The following PTPRD variants were observed in gnomAD, a reference collection of about 807,000 sequenced individuals.
The protein encoded by PTPRD is receptor-type tyrosine-protein phosphatase delta.
Under a neutral mutation model 214.5 loss-of-function variants are expected in PTPRD, and 34 were observed. The observed-to-expected ratio is 0.16, with a 90% CI of 0.12 to 0.21. PTPRD has a LOEUF of 0.21. Among genes scored for constraint, PTPRD ranks in the 10% least tolerant of loss-of-function variants. The pLI, the probability that PTPRD is intolerant of heterozygous loss-of-function variation, is 1.00. For missense variants in PTPRD, 2,545 were observed against 2,398.7 expected, an observed-to-expected ratio of 1.06 and a Z score of -1.27; for synonymous variants, 1,128 against 845.7, an observed-to-expected ratio of 1.33 and a Z score of -5.79.
At chr9:8,972,482 G>C (rs1278832031) in intron 11 of PTPRD, among the ~76,000 whole-genome samples, 4 of 151,564 alleles carry the variant, frequency 2.6e-5, no homozygotes, top group Admixed American at 6.6e-5. Context: ...GGAAGAATTA[G>C]TGTAGAAGAA....
chr9:9,465,126 C>G (rs2094026756), intron 8 of PTPRD, among the ~76,000 whole-genome samples: 1 of 152,176 alleles, frequency 6.6e-6, no homozygotes, highest in Non-Finnish European at 1.5e-5. Flanking sequence ...TGGTTTTCCT[C>G]ATGATCTGTA....
In PTPRD at chr9:10,117,226, G is replaced by T. The variant is rs146394776; in HGVS notation, c.-544-83436C>A. ...GCACTTTCAACACGGCAAGAAAACA[G>T]AGTAAATTGCCTACATAACAGTAAA... is the stretch of plus-strand genomic sequence containing the variant. On this transcript the variant is annotated intron_variant, in intron 3 of 45. Transcript: ENST00000381196. 2.0e-5 allele frequency among the ~76,000 whole-genome samples: 3 copies of T among 152,168 alleles called. No individual in the cohort carries two copies. In the East Asian group the frequency reaches 5.8e-4, roughly 29 times the overall value.
chr9:10,605,268 G>T (rs1009335857), intron 2 of PTPRD, among the ~76,000 whole-genome samples: 1 of 151,654 alleles, frequency 6.6e-6, no homozygotes, highest in African/African-American at 2.4e-5. Flanking sequence ...ATTATGCTTT[G>T]GTTATAGCTG....
chr9:9,715,423 A>G (rs1026456739), intron 7 of PTPRD, among the ~76,000 whole-genome samples: 1 of 152,176 alleles, frequency 6.6e-6, no homozygotes, highest in African/African-American at 2.4e-5. Flanking sequence ...ATCATTTCAT[A>G]ACATTAGTGA....
chr9:8,736,263 C>G (rs1016663048), intron 11 of PTPRD, among the ~76,000 whole-genome samples: 1 of 151,974 alleles, frequency 6.6e-6, no homozygotes, highest in African/African-American at 2.4e-5. Flanking sequence ...CCTATAGAAC[C>G]CTCAATAAAT....
At chr9:9,276,220 A>G (rs193027521) in intron 9 of PTPRD, among the ~76,000 whole-genome samples, 47 of 151,424 alleles carry the variant, frequency 3.1e-4, no homozygotes, top group Admixed American at 7.9e-4. Context: ...CACATCAGTC[A>G]TTTTCAGATT....
chr9:9,927,959 G>A (rs1332607038), intron 5 of PTPRD, among the ~76,000 whole-genome samples: 1 of 149,968 alleles, frequency 6.7e-6, no homozygotes, highest in African/African-American at 2.4e-5. Flanking sequence ...AGCCTAAGTT[G>A]TTTGGGTACA....
chr9:9,369,825 A>G (rs2058947289), intron 9 of PTPRD, among the ~76,000 whole-genome samples: 1 of 152,170 alleles, frequency 6.6e-6, no homozygotes, highest in Non-Finnish European at 1.5e-5. Context: ...AGCTTTCTAC[A>G]TATGGCTAGC....
intron 14 of PTPRD, among the ~76,000 whole-genome samples, chr9:8,529,001 C>T (rs1304945324): frequency 6.6e-6 from 1 of 151,804 alleles, no homozygotes; most frequent in Non-Finnish European, 1.5e-5. Flanking sequence ...CAGACGGGGC[C>T]GACTATGATG....
At chr9:8,892,621 G>GTA (rs545404330) in intron 11 of PTPRD, among the ~76,000 whole-genome samples, 1 of 148,096 alleles carries the variant, frequency 6.8e-6, no homozygotes, top group Non-Finnish European at 1.5e-5. Flanking sequence ...ATATATATGT[G>GTA]TATATATATG....
chr9:9,956,106 G>C (rs1418330825), intron 4 of PTPRD, among the ~76,000 whole-genome samples: 2 of 152,028 alleles, frequency 1.3e-5, no homozygotes. Flanking sequence ...TCATATTTTA[G>C]AAATGTCCAA....
Position 9,185,203 on chromosome 9 carries a change from C to G in PTPRD, c.-202-1840G>C, listed in dbSNP as rs1044909052. Among the ~76,000 whole-genome samples, 5 of 152,132 alleles carry G rather than the reference C, an allele frequency of 3.3e-5. No homozygotes were observed. The East Asian group carries it at 7.7e-4, about 24-fold the overall frequency. ...TTTTCTTTCCTTTTCAAAACAATAA[C>G]CAATCACAGAATCCAAGACCTTCTG... is the stretch of plus-strand genomic sequence containing the variant. On this transcript the variant is annotated intron_variant, in intron 9 of 45. Coordinates refer to ENST00000381196, the MANE Select transcript of PTPRD (RefSeq NM_002839.4).
At chr9:9,749,735 C>G (rs756031852) in intron 6 of PTPRD, among the ~76,000 whole-genome samples, 15 of 152,084 alleles carry the variant, frequency 9.9e-5, no homozygotes, top group Non-Finnish European at 1.9e-4. Context: ...AAGAGTCTGA[C>G]AGTTCATTTG....
chr9:10,125,624 G>A (rs1363091067), intron 3 of PTPRD, among the ~76,000 whole-genome samples: 1 of 86,032 alleles, frequency 1.2e-5, no homozygotes, highest in Non-Finnish European at 2.4e-5. Context: ...TCGGCTAATT[G>A]TGTGTGTGTG....
chr9:8,517,620 A>T (rs1477054542), intron 21 of PTPRD, among the ~76,000 whole-genome samples: 2 of 152,254 alleles, frequency 1.3e-5, no homozygotes, highest in African/African-American at 4.8e-5. Flanking sequence ...AGTCATTCCC[A>T]TACAAATTAA....
chr9:8,393,693 G>A (rs1446460572), intron 36 of PTPRD, among the ~76,000 whole-genome samples: 1 of 151,968 alleles, frequency 6.6e-6, no homozygotes, highest in Non-Finnish European at 1.5e-5. Flanking sequence ...TGTTTCATGT[G>A]CATTCTCTAA....
At chr9:10,598,674 ATGTG>A (rs36093644) in intron 2 of PTPRD, among the ~76,000 whole-genome samples, 293 of 143,724 alleles carry the variant, frequency 2.0e-3, no homozygotes, top group African/African-American at 4.3e-3. Flanking sequence ...TTATATATGT[ATGTG>A]TGTGTGTGTG....
intron 8 of PTPRD, among the ~76,000 whole-genome samples, chr9:9,448,512 A>G (rs998682796): frequency 2.0e-5 from 3 of 151,984 alleles, no homozygotes; most frequent in African/African-American, 7.2e-5. Context: ...TATGATTGTA[A>G]GTTTCCTGAG....
chr9:10,288,563 A>G (rs1381323057), intron 3 of PTPRD, among the ~76,000 whole-genome samples: 1 of 152,210 alleles, frequency 6.6e-6, no homozygotes, highest in Non-Finnish European at 1.5e-5. Context: ...CAAATAAAAT[A>G]TGATGCACGC....
Sources: allele counts gnomAD v4.1 joint callset (sites outside exome capture counted in the v4.1 genomes callset), GRCh38; gene constraint gnomAD v4.1.1; transcripts MANE v1.5; gene names NCBI Gene and HGNC (gene_info 2026-07-23, HGNC 2026-07-21).